Variants in AFAP1L1 observed in about 807,000 individuals in gnomAD.
AFAP1L1 encodes actin filament associated protein 1 like 1.
A neutral mutation model predicts 99.8 loss-of-function variants in AFAP1L1; 77 were observed. The ratio of observed to expected loss-of-function variants is 0.77; its 90% CI spans 0.64 to 0.93. The LOEUF (loss-of-function observed/expected upper bound fraction) is 0.93, where lower values mean the gene tolerates loss of function less well. Ranked by LOEUF, AFAP1L1 falls within the 40% of genes least tolerant of loss-of-function variation. AFAP1L1 has a pLI of 0.00. For missense variants in AFAP1L1, 893 were observed against 996.8 expected (o/e 0.90, Z 1.40); for synonymous variants, 373 against 395.3 (o/e 0.94, Z 0.67).
chr5:149,288,192 G>T (rs1755742989), intron 1 of AFAP1L1, among the ~76,000 whole-genome samples: 1 of 152,196 alleles, frequency 6.6e-6, no homozygotes, highest in South Asian at 2.1e-4. Flanking sequence ...AAGCTTTGCA[G>T]GTAGGAGACA....
chr5:149,278,552 C>T (rs776484343), intron 1 of AFAP1L1, among the ~76,000 whole-genome samples: 3 of 152,220 alleles, frequency 2.0e-5, no homozygotes, highest in Non-Finnish European at 4.4e-5. Context: ...TCCAGGAAGC[C>T]TTTTCTGCCT....
chr5:149,295,565 G>A (rs2127592868), intron 1 of AFAP1L1, among the ~76,000 whole-genome samples: 1 of 150,440 alleles, frequency 6.6e-6, no homozygotes, highest in South Asian at 2.1e-4. Context: ...AAGGGAGAGA[G>A]GGAAAAATAA....
chr5:149,328,621 C>A (rs4705069), intron 15 of AFAP1L1, among the ~76,000 whole-genome samples: 29,640 of 152,050 alleles, frequency 0.19, 3,845 homozygotes, highest in East Asian at 0.43. Context: ...ACAGCCTGAC[C>A]AACATGGCGA....
intron 1 of AFAP1L1, among the ~76,000 whole-genome samples, chr5:149,277,866 C>G (rs10076080): frequency 2.8e-4 from 42 of 152,264 alleles, no homozygotes; most frequent in African/African-American, 9.9e-4. Flanking sequence ...CATACGGGGC[C>G]GTATGACTTA....
intron 1 of AFAP1L1, among the ~76,000 whole-genome samples, chr5:149,291,440 T>C (rs1659095): frequency 0.88 from 132,527 of 150,138 alleles, 58,596 homozygotes; most frequent in Non-Finnish European, 0.91. Flanking sequence ...GCAGGAGAAT[T>C]ACTTGAACCC....
rs971285825 is a variant in AFAP1L1 at position 149,333,018 on chromosome 5, A to G, written c.2154+145A>G. On this transcript the variant is annotated intron_variant, in intron 17 of 18. Transcript: ENST00000296721. ...ACTGAAGTCCAAAGAGGTGAAGGGC[A>G]TGCCATGGGTGGCACAGCTAGGAAG... is the stretch of plus-strand genomic sequence containing the variant. The G allele has an allele frequency of 4.4e-5, 51 of 1,162,186 alleles. No homozygotes were observed. The Middle Eastern group carries it at 9.1e-4, about 21-fold the overall frequency. 72.0% of individuals were successfully genotyped at this position (1,162,186 alleles called of 1,614,324 possible). A position where few individuals can be genotyped will look rare whatever the true frequency, so the allele number is the denominator to read the frequency against.
intron 1 of AFAP1L1, among the ~76,000 whole-genome samples, chr5:149,276,195 T>C (rs966235385): frequency 6.6e-6 from 1 of 152,196 alleles, no homozygotes; most frequent in East Asian, 1.9e-4. Context: ...AGCTGCACTA[T>C]TCAGATATTT....
rs761122782 is a variant in AFAP1L1 at position 149,300,332 on chromosome 5, G to A, written c.207G>A (p.Val69=). The stretch of plus-strand genomic sequence containing the variant: ...ACCTCCACTCGGGGCCCAGCTTCGT[G>A]GAATCCCTCTTTGAAGAATTTGGTA... ...TADLHSGPSF[V]ESLFEEFDCD... The change falls in exon 3 of 19, where the codon GTG becomes GTA. Residue 69 remains valine, a synonymous_variant. Transcript: ENST00000296721. 2 of 1,613,232 alleles carry A rather than the reference G, an allele frequency of 1.2e-6. No homozygotes were observed. The highest frequency in any genetic ancestry group is 2.2e-5 in the South Asian group (2 of 90,764).
Position 149,340,226 on chromosome 5 carries a change from T to A in AFAP1L1, c.*196T>A. On this transcript the variant is annotated 3_prime_UTR_variant, in exon 19 of 19. Coordinates refer to ENST00000296721, the MANE Select transcript of AFAP1L1 (RefSeq NM_152406.4). Reference sequence around the variant, plus strand: ...GAACAAGTAGAAGGGAAGAGGGAAATGGAGAGCATCCTTATGACTTTACAA... The same window carrying A: ...GAACAAGTAGAAGGGAAGAGGGAAAAGGAGAGCATCCTTATGACTTTACAA... 1.7e-6 allele frequency: 1 copy of A among 590,432 alleles called. No individual in the cohort carries two copies. The highest frequency in any genetic ancestry group is 3.0e-6 in the Non-Finnish European group (1 of 331,688). The allele number at this position is 590,432 out of a possible 1,614,324, so 36.6% of individuals were successfully genotyped here. A position where few individuals can be genotyped will look rare whatever the true frequency, so the allele number is the denominator to read the frequency against.
rs1459198830 is a variant in AFAP1L1 at position 149,343,208 on chromosome 5, G to C, written c.*3178G>C. On this transcript the variant is annotated 3_prime_UTR_variant, in exon 19 of 19. Coordinates refer to ENST00000296721, the MANE Select transcript of AFAP1L1 (RefSeq NM_152406.4). Reference sequence around the variant, plus strand: ...TAGATAAAAAGATGAAAATACTCCAGCTCTGTCCTCATGGAACTCAGAGAC... The same window carrying C: ...TAGATAAAAAGATGAAAATACTCCACCTCTGTCCTCATGGAACTCAGAGAC... 6.6e-6 allele frequency among the ~76,000 whole-genome samples: 1 copy of C among 152,056 alleles called. No individual in the cohort carries two copies. The highest frequency in any genetic ancestry group is 2.4e-5 in the African/African-American group (1 of 41,402).
intron 5 of AFAP1L1, among the ~76,000 whole-genome samples, chr5:149,305,334 A>G (rs1183922974): frequency 2.0e-5 from 3 of 152,228 alleles, no homozygotes; most frequent in African/African-American, 7.2e-5. Context: ...GCTCTTAACC[A>G]TCTGAGCTTC....
At chr5:149,322,135 A>G (rs1192076177) in intron 14 of AFAP1L1, among the ~76,000 whole-genome samples, 1 of 152,184 alleles carries the variant, frequency 6.6e-6, no homozygotes, top group Non-Finnish European at 1.5e-5. Flanking sequence ...CTTTCACTGG[A>G]TTTTTAGTAT....
chr5:149,294,543 A>G (rs1272464314), intron 1 of AFAP1L1, among the ~76,000 whole-genome samples: 3 of 152,170 alleles, frequency 2.0e-5, no homozygotes, highest in African/African-American at 7.2e-5. Context: ...CGTGATGTAT[A>G]TCGGGTTTTC....
intron 1 of AFAP1L1, among the ~76,000 whole-genome samples, chr5:149,278,500 G>T (rs1366132751): frequency 6.6e-6 from 1 of 152,110 alleles, no homozygotes; most frequent in Non-Finnish European, 1.5e-5. Context: ...CATGGATTTG[G>T]GGGTCGAATA....
At chr5:149,337,839 G>T (rs1355909491) in intron 18 of AFAP1L1, among the ~76,000 whole-genome samples, 1 of 152,158 alleles carries the variant, frequency 6.6e-6, no homozygotes, top group Non-Finnish European at 1.5e-5. Flanking sequence ...TGGTCAGAGA[G>T]GGCCTCTCCT....
chr5:149,310,688 C>T (rs548932583), intron 8 of AFAP1L1, among the ~76,000 whole-genome samples: 30 of 152,294 alleles, frequency 2.0e-4, no homozygotes, highest in Middle Eastern at 3.4e-3. Flanking sequence ...GTTCCCATTT[C>T]GCAGATGAGG....
intron 5 of AFAP1L1, 42 bp from the exon 6 acceptor site, chr5:149,306,264 C>T (rs1430696201): frequency 1.9e-6 from 3 of 1,549,206 alleles, no homozygotes; most frequent in East Asian, 2.3e-5. Context: ...CTGGAGTCTG[C>T]CTGCATTTCT....
At chr5:149,306,262 T>G in intron 5 of AFAP1L1, 44 bp from the exon 6 acceptor site, 3 of 1,547,882 alleles carry the variant, frequency 1.9e-6, no homozygotes, top group Non-Finnish European at 8.8e-7. Flanking sequence ...CCCTGGAGTC[T>G]GCCTGCATTT....
At chr5:149,291,652 A>G (rs1461320756) in intron 1 of AFAP1L1, among the ~76,000 whole-genome samples, 1 of 151,808 alleles carries the variant, frequency 6.6e-6, no homozygotes, top group Non-Finnish European at 1.5e-5. Flanking sequence ...TCTGATCAGC[A>G]TACTGCTTTT....
Sources: gnomAD v4.1 joint callset for allele counts (sites outside exome capture counted in the v4.1 genomes callset) on GRCh38, gnomAD v4.1.1 for gene constraint, MANE v1.5 for transcripts, NCBI Gene and HGNC (gene_info 2026-07-23, HGNC 2026-07-21) for gene names.